PRKN: variants seen among roughly 807,000 people sequenced by gnomAD.
PRKN encodes E3 ubiquitin-protein ligase parkin.
Under a neutral mutation model 59.5 loss-of-function variants are expected in PRKN, and 56 were observed. That is an observed-to-expected ratio of 0.94 (90% CI 0.76 to 1.18). PRKN has a LOEUF of 1.18. PRKN is among the 50% of genes most tolerant of loss of function. The pLI is 0.00. For synonymous variants in PRKN, 250 were observed against 222.1 expected (o/e 1.13, Z -1.12); for missense variants, 657 against 596.4 (o/e 1.10, Z -1.06).
intron 1 of PRKN, among the ~76,000 whole-genome samples, chr6:162,648,185 GAC>G (rs759363265): frequency 7.2e-5 from 11 of 152,022 alleles, no homozygotes; most frequent in Non-Finnish European, 4.4e-5. Context: ...ACAAAGGAAA[GAC>G]AGACAGCCTT....
At chr6:161,863,450 G>A (rs946972745) in intron 6 of PRKN, among the ~76,000 whole-genome samples, 4 of 152,170 alleles carry the variant, frequency 2.6e-5, no homozygotes, top group Non-Finnish European at 5.9e-5. Flanking sequence ...AATAATTTAT[G>A]TTTAACAAGT....
chr6:162,344,940 C>A (rs1355536261), intron 2 of PRKN, among the ~76,000 whole-genome samples: 1 of 152,182 alleles, frequency 6.6e-6, no homozygotes, highest in Non-Finnish European at 1.5e-5. Context: ...GGTAATCAGT[C>A]CTGTATACTG....
intron 2 of PRKN, among the ~76,000 whole-genome samples, chr6:162,381,048 C>T (rs1562717404): frequency 1.3e-5 from 2 of 152,130 alleles, no homozygotes. Flanking sequence ...CCTCTTCCAG[C>T]TATTTCTGGA....
At chr6:162,074,090 A>C (rs1778709021) in intron 4 of PRKN, among the ~76,000 whole-genome samples, 1 of 144,350 alleles carries the variant, frequency 6.9e-6, no homozygotes, top group African/African-American at 2.6e-5. Flanking sequence ...TCAAGGATCT[A>C]GAACTGGAAA....
intron 7 of PRKN, among the ~76,000 whole-genome samples, chr6:161,668,281 G>T (rs1436280391): frequency 7.0e-6 from 1 of 142,706 alleles, no homozygotes; most frequent in Non-Finnish European, 1.5e-5. Context: ...AAAAAAAAAG[G>T]CTTCAGTACA....
chr6:162,636,833 G>T (rs746776268), intron 1 of PRKN, among the ~76,000 whole-genome samples: 1 of 152,010 alleles, frequency 6.6e-6, no homozygotes, highest in Non-Finnish European at 1.5e-5. Context: ...GGGAATGGTG[G>T]CATGCACCTG....
intron 3 of PRKN, among the ~76,000 whole-genome samples, chr6:162,238,869 G>A (rs1486108723): frequency 6.6e-6 from 1 of 152,116 alleles, no homozygotes; most frequent in Non-Finnish European, 1.5e-5. Context: ...GGATGATGCC[G>A]AGGCACGGGC....
chr6:161,908,941 T>C (rs946334374), intron 6 of PRKN, among the ~76,000 whole-genome samples: 5 of 152,152 alleles, frequency 3.3e-5, no homozygotes, highest in African/African-American at 7.2e-5. Context: ...CTGTGTTCTA[T>C]AACACAGAGA....
intron 8 of PRKN, among the ~76,000 whole-genome samples, chr6:161,555,043 G>A (rs78126020): frequency 3.6e-4 from 54 of 152,100 alleles, no homozygotes; most frequent in African/African-American, 1.1e-3. Flanking sequence ...ACTTTGTTCA[G>A]TTGCTTTGAT....
intron 7 of PRKN, among the ~76,000 whole-genome samples, chr6:161,646,546 G>A (rs887287828): frequency 4.0e-5 from 6 of 148,562 alleles, no homozygotes; most frequent in East Asian, 2.0e-4. Context: ...CGTGCGTGGC[G>A]GAGGAGGTGG....
intron 4 of PRKN, among the ~76,000 whole-genome samples, chr6:162,089,512 A>G (rs1490764454): frequency 1.3e-5 from 2 of 152,222 alleles, no homozygotes; most frequent in African/African-American, 2.4e-5. Context: ...TAGTGTTACC[A>G]TATCTCCAGC....
rs145401619 is a variant in PRKN, at chr6:162,250,741, A to G, written c.412+11784T>C. ...CAATTATTGTCTGAAACTTCTCTGT[A>G]AAGAAAAATTTTCCTCAACTACTAG... On this transcript the variant is annotated intron_variant, in intron 3 of 11. Coordinates refer to ENST00000366898, the MANE Select transcript of PRKN (RefSeq NM_004562.3). Among the ~76,000 whole-genome samples the G allele has an allele frequency of 5.2e-3, 791 of 152,340 alleles. 5 individuals carry two copies. The highest frequency in any genetic ancestry group is 0.018 in the African/African-American group (757 of 41,578).
chr6:162,293,388 A>C (rs568164493), intron 2 of PRKN, among the ~76,000 whole-genome samples: 39 of 152,338 alleles, frequency 2.6e-4, no homozygotes, highest in African/African-American at 8.4e-4. Context: ...AAGCCACCAA[A>C]ATATAGAAAA....
chr6:161,899,781 G>A (rs1777813222), intron 6 of PRKN, among the ~76,000 whole-genome samples: 1 of 152,152 alleles, frequency 6.6e-6, no homozygotes, highest in East Asian at 1.9e-4. Flanking sequence ...GTTGTACTAT[G>A]TGTGTATTGT....
chr6:162,187,830 C>T (rs965503340), intron 4 of PRKN, among the ~76,000 whole-genome samples: 1 of 152,104 alleles, frequency 6.6e-6, no homozygotes, highest in African/African-American at 2.4e-5. Context: ...AAGGAACCAC[C>T]ACCAGATACA....
chr6:161,971,544 G>A (rs1374581846), intron 6 of PRKN, among the ~76,000 whole-genome samples: 1 of 152,194 alleles, frequency 6.6e-6, no homozygotes. Flanking sequence ...CTTCTTGCAT[G>A]TTGAAAGCGT....
In PRKN at chr6:161,429,392, T is replaced by C. The variant is rs1788543318; in HGVS notation, c.1084-42515A>G. 1.3e-5 allele frequency among the ~76,000 whole-genome samples: 2 copies of C among 152,142 alleles called. No homozygotes were observed. The highest frequency in any genetic ancestry group is 1.3e-4 in the Admixed American group (2 of 15,272). ...TAACACAGCAGTGCCCTAAGTGCTA[T>C]TGCTCTATGTGTGGGAAAACAGGCA... On this transcript the variant is annotated intron_variant, in intron 9 of 11. Coordinates refer to ENST00000366898, the MANE Select transcript of PRKN (RefSeq NM_004562.3). The surrounding 1 kb of genome is among the most constrained non-coding windows in gnomAD (Gnocchi z 4.2).
At chr6:161,358,126 TG>T (rs10716879) in intron 11 of PRKN, among the ~76,000 whole-genome samples, 10,593 of 152,252 alleles carry the variant, frequency 0.07, 421 homozygotes, top group South Asian at 0.18. Context: ...AAAATGTGTG[TG>T]GGGGTGTGGG....
At chr6:162,340,929 T>C (rs992210158) in intron 2 of PRKN, among the ~76,000 whole-genome samples, 1 of 152,084 alleles carries the variant, frequency 6.6e-6, no homozygotes, top group Non-Finnish European at 1.5e-5. Context: ...GGGATCTAAT[T>C]AAACTAAAGA....
Sources: gnomAD v4.1 joint callset for allele counts (sites outside exome capture counted in the v4.1 genomes callset) on GRCh38, gnomAD v4.1.1 for gene constraint, Gnocchi (gnomAD v3.1) non-coding constraint, MANE v1.5 for transcripts, NCBI Gene and HGNC (gene_info 2026-07-23, HGNC 2026-07-21) for gene names.